The following DPP10 variants were observed in gnomAD, a reference collection of about 807,000 sequenced individuals.
DPP10 encodes the protein inactive dipeptidyl peptidase 10.
Under a neutral mutation model 120.9 loss-of-function variants are expected in DPP10, and 33 were observed. That is an observed-to-expected ratio of 0.27 (90% CI 0.21 to 0.37). The LOEUF (loss-of-function observed/expected upper bound fraction) is 0.37. Ranked by LOEUF, DPP10 falls within the 10% of genes least tolerant of loss-of-function variation. The pLI, the probability that DPP10 is intolerant of heterozygous loss-of-function variation, is 1.00. For missense variants in DPP10, 816 were observed against 942.8 expected (o/e 0.87, Z 1.76); for synonymous variants, 337 against 326.1 (o/e 1.03, Z -0.36).
At chr2:114,993,393 A>G (rs1700863178) in intron 1 of DPP10, among the ~76,000 whole-genome samples, 1 of 151,370 alleles carries the variant, frequency 6.6e-6, no homozygotes, top group Admixed American at 6.6e-5. Flanking sequence ...AGATGAATGA[A>G]TAAATTAGTC....
intron 1 of DPP10, among the ~76,000 whole-genome samples, chr2:115,281,135 C>T (rs1389510343): frequency 6.6e-6 from 1 of 152,092 alleles, no homozygotes; most frequent in Non-Finnish European, 1.5e-5. Flanking sequence ...AGTTTCTCTC[C>T]CACTGTTCAC....
At chr2:115,112,805 A>G (rs577761291) in intron 1 of DPP10, among the ~76,000 whole-genome samples, 103 of 152,320 alleles carry the variant, frequency 6.8e-4, no homozygotes, top group African/African-American at 2.4e-3. Context: ...ATAGTTAATA[A>G]TTCTCTTTTA....
intron 1 of DPP10, chr2:114,707,018 T>C (rs1457701468): frequency 6.6e-6 from 1 of 152,124 alleles, no homozygotes; most frequent in Non-Finnish European, 1.5e-5. Flanking sequence ...CAGGTACATG[T>C]CAGGTACAAG....
chr2:115,816,445 C>T (rs1380355360), intron 21 of DPP10, among the ~76,000 whole-genome samples: 1 of 152,132 alleles, frequency 6.6e-6, no homozygotes, highest in Non-Finnish European at 1.5e-5. Context: ...AAAACAGACA[C>T]AGGCTTAGAA....
At chr2:115,817,233 C>G (rs972974757) in intron 21 of DPP10, among the ~76,000 whole-genome samples, 1 of 133,922 alleles carries the variant, frequency 7.5e-6, no homozygotes, top group Non-Finnish European at 1.7e-5. Context: ...GGCGACAGAG[C>G]GAGACTCCGT....
At chr2:114,829,465 C>T (rs1686878173) in intron 1 of DPP10, among the ~76,000 whole-genome samples, 2 of 150,052 alleles carry the variant, frequency 1.3e-5, no homozygotes, top group Non-Finnish European at 3.0e-5. Context: ...CTCACTGCAA[C>T]CTCCGCCTCC....
chr2:114,943,145 C>T (rs959422034), intron 1 of DPP10, among the ~76,000 whole-genome samples: 1 of 152,188 alleles, frequency 6.6e-6, no homozygotes, highest in African/African-American at 2.4e-5. Flanking sequence ...TGAGAACATG[C>T]GGTGTTTGGT....
chr2:115,468,688 G>T (rs2074486947), intron 3 of DPP10: 1 of 356,338 alleles, frequency 2.8e-6, no homozygotes, highest in South Asian at 2.2e-5. Context: ...AAAAGGAAGA[G>T]CAGGCTGCTA....
At chr2:114,862,558 A>G (rs1689895427) in intron 1 of DPP10, among the ~76,000 whole-genome samples, 1 of 152,182 alleles carries the variant, frequency 6.6e-6, no homozygotes, top group South Asian at 2.1e-4. Flanking sequence ...TTTTTGAGCA[A>G]TGATAAAAGA....
intron 1 of DPP10, among the ~76,000 whole-genome samples, chr2:114,656,794 C>T (rs879559329): frequency 4.6e-5 from 7 of 152,058 alleles, no homozygotes; most frequent in African/African-American, 1.7e-4. Context: ...GGCACATGAG[C>T]CTCTCAGGAG....
In DPP10 at chr2:115,132,193, GAA is replaced by G. The variant is rs528035569; in HGVS notation, c.61-177044_61-177043del. 2.0e-3 allele frequency among the ~76,000 whole-genome samples: 308 copies of G among 152,322 alleles called. 2 individuals carry two copies. Among genetic ancestry groups the G allele is most frequent in the Non-Finnish European group, 2.2e-3 (149 of 68,032 alleles). On this transcript the variant is annotated intron_variant, in intron 1 of 25. Coordinates refer to ENST00000410059, the MANE Select transcript of DPP10 (RefSeq NM_020868.6). ...TCTAAAGACTTGAAGTTAGTAGGCA[GAA>G]ATGCTCAAGTTAAGATTGGGGGTGT...
intron 3 of DPP10, among the ~76,000 whole-genome samples, chr2:115,425,871 G>A (rs2070409322): frequency 6.6e-6 from 1 of 152,186 alleles, no homozygotes; most frequent in Admixed American, 6.5e-5. Flanking sequence ...AGGTGAAAGG[G>A]GAGGAGCCAT....
In DPP10 at chr2:115,338,418, T is replaced by G. The variant is rs1208463703; in HGVS notation, c.176-5399T>G. Among the ~76,000 whole-genome samples the G allele has an allele frequency of 2.6e-5, 4 of 152,128 alleles. No individual in the cohort carries two copies. The East Asian group carries it at 7.7e-4, about 29-fold the overall frequency. On this transcript the variant is annotated intron_variant, in intron 2 of 25. Transcript: ENST00000410059. ...GGAAAAAAAGCAATGTCACTGACAC[T>G]ATGATCATTCAACATTTTTTTAAAA... is the stretch of plus-strand genomic sequence containing the variant.
intron 1 of DPP10, among the ~76,000 whole-genome samples, chr2:114,720,386 A>C (rs571303979): frequency 3.9e-5 from 6 of 152,206 alleles, no homozygotes; most frequent in Non-Finnish European, 7.3e-5. Flanking sequence ...TGACAGTCTT[A>C]ATAGTTTACT....
intron 1 of DPP10, chr2:114,461,731 A>G (rs913651392): frequency 1.0e-6 from 1 of 985,324 alleles, no homozygotes; most frequent in African/African-American, 1.7e-5. Flanking sequence ...AGCCAGGGAC[A>G]TGTTAATTAA....
At chr2:114,522,499 TA>T (rs947313077) in intron 1 of DPP10, among the ~76,000 whole-genome samples, 4 of 152,068 alleles carry the variant, frequency 2.6e-5, no homozygotes, top group East Asian at 3.9e-4. Context: ...GAGATAGGAC[TA>T]AAAAAACACT....
intron 1 of DPP10, among the ~76,000 whole-genome samples, chr2:114,456,300 A>G (rs1433201557): frequency 6.6e-6 from 1 of 152,194 alleles, no homozygotes; most frequent in East Asian, 1.9e-4. Flanking sequence ...AGGGTCTGGG[A>G]GAGATGGACT....
chr2:114,458,703 T>C (rs1303918679), intron 1 of DPP10, among the ~76,000 whole-genome samples: 1 of 152,194 alleles, frequency 6.6e-6, no homozygotes, highest in East Asian at 1.9e-4. Flanking sequence ...GTTACAGTTA[T>C]AGCAATTAAA....
At chr2:115,408,445 C>T (rs2068694239) in intron 3 of DPP10, among the ~76,000 whole-genome samples, 1 of 151,966 alleles carries the variant, frequency 6.6e-6, no homozygotes, top group African/African-American at 2.4e-5. Context: ...CTTTGGCTGC[C>T]TCCTGTCTCT....
Sources: allele counts gnomAD v4.1 joint callset (sites outside exome capture counted in the v4.1 genomes callset), GRCh38; gene constraint gnomAD v4.1.1; transcripts MANE v1.5; gene names NCBI Gene and HGNC (gene_info 2026-07-23, HGNC 2026-07-21).